Variants in NPFFR2 observed in about 807,000 individuals in gnomAD.
The protein encoded by NPFFR2 is G-protein coupled receptor 74.
A neutral mutation model predicts 13.1 loss-of-function variants in NPFFR2; 15 were observed. The ratio of observed to expected loss-of-function variants is 1.15; its 90% CI spans 0.77 to 1.76. The LOEUF (loss-of-function observed/expected upper bound fraction) is 1.76, where lower values mean the gene tolerates loss of function less well. Among genes scored for constraint, NPFFR2 ranks in the 40% most tolerant of loss-of-function variants. The pLI is 0.00. For missense variants in NPFFR2, 572 were observed against 503.5 expected, an observed-to-expected ratio of 1.14 and a Z score of -1.30; for synonymous variants, 190 against 175.7, an observed-to-expected ratio of 1.08 and a Z score of -0.65.
intron 2 of NPFFR2, among the ~76,000 whole-genome samples, chr4:72,136,802 A>G (rs1722431360): frequency 1.3e-5 from 2 of 152,176 alleles, no homozygotes; most frequent in African/African-American, 4.8e-5. Flanking sequence ...CCATTCTTCT[A>G]TCAACATGAG....
intron 1 of NPFFR2, among the ~76,000 whole-genome samples, chr4:72,113,650 G>A (rs559867658): frequency 4.0e-4 from 61 of 152,202 alleles, no homozygotes; most frequent in African/African-American, 1.5e-3. Context: ...TCTCAGACTG[G>A]CAAAGAAACA....
intron 1 of NPFFR2, among the ~76,000 whole-genome samples, chr4:72,091,687 T>C (rs575934328): frequency 1.3e-5 from 2 of 152,238 alleles, no homozygotes; most frequent in African/African-American, 4.8e-5. Context: ...ATATATCCTG[T>C]TTTGTTTTTA....
chr4:72,137,449 T>C (rs1722453249), intron 2 of NPFFR2, among the ~76,000 whole-genome samples: 1 of 152,224 alleles, frequency 6.6e-6, no homozygotes, highest in South Asian at 2.1e-4. Flanking sequence ...CTTTTGTTCA[T>C]GCAAAGTGCT....
At chr4:72,063,361 C>T (rs1719973820) in intron 1 of NPFFR2, among the ~76,000 whole-genome samples, 1 of 152,304 alleles carries the variant, frequency 6.6e-6, no homozygotes, top group African/African-American at 2.4e-5. Context: ...TCTACACTAA[C>T]TTGCTGCCTA....
chr4:72,108,041 A>C (rs2109816385), intron 1 of NPFFR2, among the ~76,000 whole-genome samples: 1 of 152,114 alleles, frequency 6.6e-6, no homozygotes, highest in Admixed American at 6.6e-5. Flanking sequence ...GGTCTGGGAC[A>C]TTGAGAGTGG....
intron 2 of NPFFR2, among the ~76,000 whole-genome samples, chr4:72,130,133 T>C (rs1722190279): frequency 6.6e-6 from 1 of 151,980 alleles, no homozygotes; most frequent in African/African-American, 2.4e-5. Context: ...GAGTCTCCTA[T>C]GTCTACTTCT....
intron 1 of NPFFR2, chr4:72,039,400 C>G: frequency 1.0e-6 from 1 of 985,140 alleles, no homozygotes; most frequent in African/African-American, 1.7e-5. Flanking sequence ...TTCTCTTCTG[C>G]TTCCATATTA....
chr4:72,049,172 A>T (rs1455764191), intron 1 of NPFFR2, among the ~76,000 whole-genome samples: 1 of 152,150 alleles, frequency 6.6e-6, no homozygotes, highest in Non-Finnish European at 1.5e-5. Context: ...AACTGTTTGA[A>T]CTGAGAGCTC....
chr4:72,058,302 G>A (rs1265456397), intron 1 of NPFFR2, among the ~76,000 whole-genome samples: 1 of 151,756 alleles, frequency 6.6e-6, no homozygotes, highest in Non-Finnish European at 1.5e-5. Context: ...ATATGGCAAA[G>A]TGTGAATATT....
At chr4:72,038,576 AT>A (rs200218182) in intron 1 of NPFFR2, among the ~76,000 whole-genome samples, 20 of 151,958 alleles carry the variant, frequency 1.3e-4, no homozygotes, top group South Asian at 4.2e-4. Context: ...CAATCAGTAT[AT>A]TTTTTTTCCT....
intron 1 of NPFFR2, among the ~76,000 whole-genome samples, chr4:72,091,959 G>T (rs1358268880): frequency 6.6e-6 from 1 of 151,930 alleles, no homozygotes. Flanking sequence ...CTGACTTTTT[G>T]ATGGAGGCAT....
chr4:72,056,644 A>G (rs1017485485), intron 1 of NPFFR2, among the ~76,000 whole-genome samples: 2 of 151,952 alleles, frequency 1.3e-5, no homozygotes, highest in African/African-American at 4.8e-5. Context: ...TAAGCTAAAA[A>G]CCTTCTGGAA....
At chr4:72,144,742 T>G (rs1722726452) in intron 3 of NPFFR2, among the ~76,000 whole-genome samples, 2 of 152,074 alleles carry the variant, frequency 1.3e-5, no homozygotes, top group Non-Finnish European at 2.9e-5. Context: ...CCCAAATCAG[T>G]GAAAGGCAGG....
At chr4:72,082,443 C>G (rs1215352796) in intron 1 of NPFFR2, among the ~76,000 whole-genome samples, 1 of 152,154 alleles carries the variant, frequency 6.6e-6, no homozygotes. Context: ...TCTATTTTGC[C>G]AAATTCAATG....
At chr4:72,063,716 G>C (rs537386508) in intron 1 of NPFFR2, among the ~76,000 whole-genome samples, 15 of 152,294 alleles carry the variant, frequency 9.8e-5, no homozygotes, top group African/African-American at 1.7e-4. Flanking sequence ...TCCAGCTGGG[G>C]CATATGGCGC....
At chr4:72,073,887 G>C (rs1403802439) in intron 1 of NPFFR2, among the ~76,000 whole-genome samples, 1 of 151,646 alleles carries the variant, frequency 6.6e-6, no homozygotes, top group Non-Finnish European at 1.5e-5. Context: ...TACTCTAAAG[G>C]AAATGAGAAA....
At chr4:72,136,123 A>G (rs976766849) in intron 2 of NPFFR2, among the ~76,000 whole-genome samples, 15 of 152,176 alleles carry the variant, frequency 9.9e-5, no homozygotes, top group Admixed American at 3.3e-4. Context: ...GGGGAGGCCA[A>G]GATGAGAGGA....
At chr4:72,127,369 T>C (rs1349553504) in intron 1 of NPFFR2, among the ~76,000 whole-genome samples, 1 of 108,888 alleles carries the variant, frequency 9.2e-6, no homozygotes, top group Non-Finnish European at 1.9e-5. Context: ...TCTTTTTTTT[T>C]TTTTTTTTTT....
intron 1 of NPFFR2, among the ~76,000 whole-genome samples, chr4:72,110,825 G>T (rs1721545345): frequency 1.3e-5 from 2 of 151,894 alleles, no homozygotes; most frequent in Non-Finnish European, 2.9e-5. Flanking sequence ...AGACCTTCCT[G>T]CATCACCACC....
Sources: allele counts gnomAD v4.1 joint callset (sites outside exome capture counted in the v4.1 genomes callset), GRCh38; gene constraint gnomAD v4.1.1; transcripts MANE v1.5; gene names NCBI Gene and HGNC (gene_info 2026-07-23, HGNC 2026-07-21).